Variants in ASCC3 observed in about 807,000 individuals in gnomAD.
ASCC3 encodes the protein ASC-1 complex subunit P200.
ASCC3 carries 158 observed loss-of-function variants against 256.3 expected under a neutral mutation model. The ratio of observed to expected loss-of-function variants is 0.62; its 90% CI spans 0.54 to 0.70. ASCC3 has a LOEUF of 0.70. Ranked by LOEUF, ASCC3 falls within the 30% of genes least tolerant of loss-of-function variation. The probability of loss-of-function intolerance (pLI) is 0.00; values close to 1 mark genes in which losing one functional copy is unlikely to be tolerated. For missense variants in ASCC3, 2,259 were observed against 2,626.0 expected (o/e 0.86, Z 3.05); for synonymous variants, 948 against 883.4 (o/e 1.07, Z -1.30).
intron 13 of ASCC3, among the ~76,000 whole-genome samples, chr6:100,698,923 T>G (rs1462928797): frequency 6.6e-6 from 1 of 152,182 alleles, no homozygotes; most frequent in East Asian, 1.9e-4. Context: ...ACCTATTCAC[T>G]TATTCATCAA....
At chr6:100,842,203 T>C (rs1395809053) in intron 4 of ASCC3, among the ~76,000 whole-genome samples, 1 of 152,168 alleles carries the variant, frequency 6.6e-6, no homozygotes, top group East Asian at 1.9e-4. Context: ...GAGAACTTTT[T>C]CATAAAGCAC....
At chr6:100,637,401 A>T (rs1314814682) in intron 25 of ASCC3, among the ~76,000 whole-genome samples, 1 of 152,176 alleles carries the variant, frequency 6.6e-6, no homozygotes, top group Non-Finnish European at 1.5e-5. Context: ...TTGACAATAC[A>T]TCTAATCACA....
chr6:100,788,649 A>T (rs1218742937), intron 8 of ASCC3, among the ~76,000 whole-genome samples: 1 of 152,050 alleles, frequency 6.6e-6, no homozygotes, highest in Non-Finnish European at 1.5e-5. Context: ...TGAAACATAG[A>T]GCAATATGGA....
chr6:100,741,800 T>C (rs1272803322), intron 10 of ASCC3, among the ~76,000 whole-genome samples: 2 of 152,210 alleles, frequency 1.3e-5, no homozygotes, highest in African/African-American at 2.4e-5. Context: ...TCTTGATTCT[T>C]AGCTTCTTTG....
At chr6:100,559,454 A>G (rs904413017) in intron 36 of ASCC3, among the ~76,000 whole-genome samples, 1 of 152,208 alleles carries the variant, frequency 6.6e-6, no homozygotes, top group Non-Finnish European at 1.5e-5. Context: ...AATGTACAAT[A>G]GGGCCTGGAA....
intron 10 of ASCC3, among the ~76,000 whole-genome samples, chr6:100,758,914 G>GT (rs571138371): frequency 1.2e-3 from 189 of 152,098 alleles, no homozygotes; most frequent in African/African-American, 4.4e-3. Flanking sequence ...TTGTTTCTTG[G>GT]TTTTTTAATA....
chr6:100,821,489 T>G (rs1300377224), intron 4 of ASCC3, among the ~76,000 whole-genome samples: 1 of 152,046 alleles, frequency 6.6e-6, no homozygotes, highest in Admixed American at 6.6e-5. Context: ...AAATGAAATG[T>G]GATATATGAA....
chr6:100,510,661 C>T (rs1381243984), intron 40 of ASCC3, among the ~76,000 whole-genome samples: 2 of 152,136 alleles, frequency 1.3e-5, no homozygotes, highest in East Asian at 3.9e-4. Flanking sequence ...AATATGGTAA[C>T]ATTAAAAAGT....
intron 11 of ASCC3, among the ~76,000 whole-genome samples, chr6:100,723,889 TATATATATTTATA>T (rs1217085661): frequency 1.2e-4 from 17 of 136,666 alleles, no homozygotes; most frequent in East Asian, 4.5e-4. Context: ...TATATATATA[TATATATATTTATA>T]ATTATATATA....
Position 100,629,088 on chromosome 6 carries a change from G to A in ASCC3, c.4302C>T (p.Val1434=), listed in dbSNP as rs1290523155. The A allele has an allele frequency of 6.2e-7, 1 of 1,613,824 alleles. No homozygotes were observed. Among genetic ancestry groups the A allele is most frequent in the South Asian group, 1.1e-5 (1 of 91,066 alleles). Residue 1434 remains valine (V), a synonymous_variant, in exon 27 of 42, where the codon GTC becomes GTT. Transcript: ENST00000369162. ...AGTTCCTATTTTGCCAGCTTCTGCT[G>A]ACTCCATCCCACTTCTCTGGCGTAG... ...IVTTPEKWDG[V]SRSWQNRNYV... is the part of the protein sequence containing the mutation.
chr6:100,798,616 C>T, intron 8 of ASCC3, 97 bp downstream of exon 8: 1 of 1,582,010 alleles, frequency 6.3e-7, no homozygotes, highest in Non-Finnish European at 8.6e-7. Flanking sequence ...CTGTATTTGC[C>T]AACTAATAAT....
At chr6:100,782,830 A>G (rs1351971018) in intron 8 of ASCC3, among the ~76,000 whole-genome samples, 1 of 152,094 alleles carries the variant, frequency 6.6e-6, no homozygotes, top group Non-Finnish European at 1.5e-5. Flanking sequence ...TCCAAATTTG[A>G]GGAGGGCAGG....
chr6:100,548,663 T>C (rs897014311), intron 36 of ASCC3, among the ~76,000 whole-genome samples: 1 of 151,992 alleles, frequency 6.6e-6, no homozygotes, highest in East Asian at 1.9e-4. Context: ...TGAGAGAGTT[T>C]TGTAAAGAAA....
intron 34 of ASCC3, among the ~76,000 whole-genome samples, chr6:100,594,922 T>C (rs931920512): frequency 6.6e-6 from 1 of 152,140 alleles, no homozygotes; most frequent in Non-Finnish European, 1.5e-5. Flanking sequence ...GAGGGCATTA[T>C]GCCATTGAAA....
intron 37 of ASCC3, among the ~76,000 whole-genome samples, chr6:100,526,039 A>T (rs947948752): frequency 3.9e-5 from 6 of 152,122 alleles, no homozygotes; most frequent in South Asian, 2.1e-4. Flanking sequence ...TTAAAATGCT[A>T]TAAGTACATT....
At chr6:100,600,382 T>A (rs1424237070) in intron 34 of ASCC3, among the ~76,000 whole-genome samples, 1 of 152,128 alleles carries the variant, frequency 6.6e-6, no homozygotes, top group Non-Finnish European at 1.5e-5. Flanking sequence ...AGAATAAATG[T>A]GAAGTCTATT....
chr6:100,652,703 C>T (rs377619009), intron 18 of ASCC3, 22 bp downstream of exon 18: 5 of 1,606,442 alleles, frequency 3.1e-6, no homozygotes, highest in Non-Finnish European at 4.3e-6. Context: ...TAAAATCAAA[C>T]ATATTTGCAT....
intron 15 of ASCC3, 96 bp from the exon 16 acceptor site, chr6:100,662,126 CAA>C: frequency 7.9e-7 from 1 of 1,269,698 alleles, no homozygotes; most frequent in South Asian, 1.3e-5. Flanking sequence ...GGCAAGATCT[CAA>C]AAGTGTACTT....
Position 100,865,708 on chromosome 6 carries a change from T to G in ASCC3, c.91-1494A>C, listed in dbSNP as rs548980053. Among the ~76,000 whole-genome samples the G allele has an allele frequency of 2.0e-5, 3 of 152,296 alleles. No individual in the cohort carries two copies. The East Asian group carries it at 5.8e-4, about 29-fold the overall frequency. Reference sequence around the variant, plus strand: ...CTACTAGGAAACAATGTTATCATTCTACAATAGATTCAAATGAGTCAGCAA... The same window carrying G: ...CTACTAGGAAACAATGTTATCATTCGACAATAGATTCAAATGAGTCAGCAA... On this transcript the variant is annotated intron_variant, in intron 2 of 41. Transcript: ENST00000369162.
Sources: gnomAD v4.1 joint callset for allele counts (sites outside exome capture counted in the v4.1 genomes callset) on GRCh38, gnomAD v4.1.1 for gene constraint, MANE v1.5 for transcripts, NCBI Gene and HGNC (gene_info 2026-07-23, HGNC 2026-07-21) for gene names.